The following CRB1 variants were observed in gnomAD, a reference collection of about 807,000 sequenced individuals.
The protein encoded by CRB1 is protein crumbs homolog 1.
Under a neutral mutation model 120.0 loss-of-function variants are expected in CRB1, and 83 were observed. The observed-to-expected ratio is 0.69, with a 90% CI of 0.58 to 0.83. The LOEUF (loss-of-function observed/expected upper bound fraction) is 0.83, where lower values mean the gene tolerates loss of function less well. CRB1 is among the 40% of genes least tolerant of loss of function. CRB1 has a pLI of 0.00. For missense variants in CRB1, 1,699 were observed against 1,687.6 expected, an observed-to-expected ratio of 1.01 and a Z score of -0.12; for synonymous variants, 625 against 612.5, an observed-to-expected ratio of 1.02 and a Z score of -0.30.
chr1:197,436,517 CAT>C (rs1558139922), intron 9 of CRB1, among the ~76,000 whole-genome samples: 3 of 151,828 alleles, frequency 2.0e-5, no homozygotes, highest in African/African-American at 7.3e-5. Context: ...ATAAAATAAA[CAT>C]GTTTTAATTA....
chr1:197,356,901 A>G lies in CRB1; in HGVS notation c.1059A>G (p.Glu353=). The G allele has an allele frequency of 6.2e-7, 1 of 1,614,148 alleles. No individual in the cohort carries two copies. Among genetic ancestry groups the G allele is most frequent in the Non-Finnish European group, 8.5e-7 (1 of 1,180,000 alleles). Residue 353 remains glutamate (E), a synonymous_variant, in exon 5 of 12, where the codon GAA becomes GAG. Transcript: ENST00000367400. ...GTAACCCCTGCCAGTCCAATGGGGA[A>G]TGTGTGGAGCTGTCCTCAGAGAAAC... is the stretch of plus-strand genomic sequence containing the variant. ...CNSNPCQSNG[E]CVELSSEKQY... is the part of the protein sequence containing the mutation.
At chr1:197,343,450 A>T (rs1482650831) in intron 2 of CRB1, among the ~76,000 whole-genome samples, 1 of 152,168 alleles carries the variant, frequency 6.6e-6, no homozygotes, top group African/African-American at 2.4e-5. Flanking sequence ...TTAGCAAATA[A>T]TACCTACTAA....
At chr1:197,413,148 C>G (rs114151717) in intron 5 of CRB1, among the ~76,000 whole-genome samples, 2 of 152,136 alleles carry the variant, frequency 1.3e-5, no homozygotes. Flanking sequence ...TGTGAAACCT[C>G]TCTAGGTCCT....
At chr1:197,285,423 C>A (rs763212208) in intron 1 of CRB1, among the ~76,000 whole-genome samples, 1 of 151,744 alleles carries the variant, frequency 6.6e-6, no homozygotes, top group East Asian at 1.9e-4. Context: ...GTGGGATGTA[C>A]AACAGACTAG....
At chr1:197,439,263 GC>G (rs1164002531) in intron 10 of CRB1, 2 of 157,986 alleles carry the variant, frequency 1.3e-5, no homozygotes, top group Non-Finnish European at 2.8e-5. Flanking sequence ...ATACTGAATA[GC>G]TTTTATCAGC....
intron 7 of CRB1, chr1:197,429,229 T>A: frequency 1.4e-6 from 2 of 1,441,178 alleles, no homozygotes; most frequent in South Asian, 1.4e-5. Context: ...CAATTTTATA[T>A]CTTTTCTCTC....
chr1:197,219,157 G>T, the CRB1 span, among the ~76,000 whole-genome samples: 1 of 152,162 alleles, frequency 6.6e-6, no homozygotes, highest in African/African-American at 2.4e-5. Context: ...ACAAGAAAAA[G>T]AAATTGTCAT....
intron 5 of CRB1, among the ~76,000 whole-genome samples, chr1:197,362,549 C>T (rs1660827502): frequency 6.6e-6 from 1 of 152,060 alleles, no homozygotes; most frequent in South Asian, 2.1e-4. Flanking sequence ...TTTTGAGGCT[C>T]TGTTGTTTGA....
chr1:197,241,802 G>T, the CRB1 span, among the ~76,000 whole-genome samples: 4 of 151,538 alleles, frequency 2.6e-5, no homozygotes, highest in Non-Finnish European at 4.4e-5. Flanking sequence ...CATTTTCACA[G>T]TATTGATTCT....
At chr1:197,433,634 A>T (rs1347938094) in intron 8 of CRB1, among the ~76,000 whole-genome samples, 1 of 152,168 alleles carries the variant, frequency 6.6e-6, no homozygotes, top group African/African-American at 2.4e-5. Flanking sequence ...ATGTCAGGAT[A>T]CTGTTTCGTG....
intron 2 of CRB1, among the ~76,000 whole-genome samples, chr1:197,337,600 A>G (rs1659228927): frequency 6.6e-6 from 1 of 152,204 alleles, no homozygotes; most frequent in Non-Finnish European, 1.5e-5. Flanking sequence ...CTGTCTCTTA[A>G]AACATTGCTA....
At chr1:197,320,911 T>C (rs1379504816) in intron 1 of CRB1, among the ~76,000 whole-genome samples, 1 of 152,236 alleles carries the variant, frequency 6.6e-6, no homozygotes, top group Non-Finnish European at 1.5e-5. Context: ...CTTATACTTT[T>C]ATTCTTTTCT....
the CRB1 span, chr1:197,222,903 C>G: frequency 1.3e-4 from 152 of 1,174,098 alleles, no homozygotes; most frequent in Non-Finnish European, 1.8e-4. Flanking sequence ...AGACTCTGAA[C>G]AATTCATAGT....
At chr1:197,413,214 T>A (rs1200048910) in intron 5 of CRB1, among the ~76,000 whole-genome samples, 2 of 152,174 alleles carry the variant, frequency 1.3e-5, no homozygotes, top group Non-Finnish European at 2.9e-5. Flanking sequence ...ACTTTTTTTG[T>A]TTGTACTCTA....
At chr1:197,358,479 G>T (rs981076103) in intron 5 of CRB1, among the ~76,000 whole-genome samples, 1 of 152,208 alleles carries the variant, frequency 6.6e-6, no homozygotes, top group Non-Finnish European at 1.5e-5. Context: ...TGTTGGGCTT[G>T]ATTTCTGAAG....
At chr1:197,453,572 AGAGG>A (rs796629085) in intron 11 of CRB1, among the ~76,000 whole-genome samples, 73 of 115,178 alleles carry the variant, frequency 6.3e-4, no homozygotes, top group South Asian at 1.4e-3. Flanking sequence ...AGAGAGAGGG[AGAGG>A]GAGAGAGAGA....
chr1:197,267,829 A>C (rs1654690534), upstream of CRB1, among the ~76,000 whole-genome samples: 1 of 152,200 alleles, frequency 6.6e-6, no homozygotes, highest in Admixed American at 6.5e-5. Flanking sequence ...AATGATCTTC[A>C]GAACTCTGTT....
At chr1:197,402,841 A>G (rs1663136854) in intron 5 of CRB1, among the ~76,000 whole-genome samples, 1 of 152,204 alleles carries the variant, frequency 6.6e-6, no homozygotes, top group Non-Finnish European at 1.5e-5. Flanking sequence ...GATTATCTGC[A>G]GTACCAGTTT....
chr1:197,356,512 G>A (rs897636993), intron 4 of CRB1, among the ~76,000 whole-genome samples: 1 of 152,190 alleles, frequency 6.6e-6, no homozygotes, highest in Non-Finnish European at 1.5e-5. Context: ...ATTCACAAAT[G>A]AGTATTTGAA....
Sources: allele counts gnomAD v4.1 joint callset (sites outside exome capture counted in the v4.1 genomes callset), GRCh38; gene constraint gnomAD v4.1.1; transcripts MANE v1.5; gene names NCBI Gene and HGNC (gene_info 2026-07-23, HGNC 2026-07-21).